The following ZNF141 variants were observed in gnomAD, a reference collection of about 807,000 sequenced individuals.
ZNF141 encodes the protein zinc finger protein 141, also known as zinc finger protein 141 (clone pHZ-44).
Under a neutral mutation model 11.3 loss-of-function variants are expected in ZNF141, and 7 were observed. That is an observed-to-expected ratio of 0.62 (90% CI 0.35 to 1.16). The LOEUF (loss-of-function observed/expected upper bound fraction) is 1.16. Ranked by LOEUF, ZNF141 falls within the 50% of genes most tolerant of loss-of-function variation. ZNF141 has a pLI of 0.02. For synonymous variants in ZNF141, 183 were observed against 190.7 expected, an observed-to-expected ratio of 0.96 and a Z score of 0.33; for missense variants, 535 against 554.0, an observed-to-expected ratio of 0.97 and a Z score of 0.34.
chr4:383,028 A>G lies in ZNF141; in HGVS notation c.*9166A>G, dbSNP rs1212314887. On this transcript the variant is annotated 3_prime_UTR_variant, in exon 4 of 4. Coordinates refer to ENST00000240499, the MANE Select transcript of ZNF141 (RefSeq NM_003441.4). ...CTTGAACTTCTCTTGACTTATCTGC[A>G]CTGGCACAGGGTGCCAGTTTGGGGC... 5.1e-6 allele frequency: 3 copies of G among 585,672 alleles called. No individual in the cohort carries two copies. Among genetic ancestry groups the G allele is most frequent in the Non-Finnish European group, 9.0e-6 (3 of 333,104 alleles). The allele number at this position is 585,672 out of a possible 1,614,324, so 36.3% of individuals were successfully genotyped here.
intron 3 of ZNF141, among the ~76,000 whole-genome samples, chr4:345,185 A>T (rs1721263170): frequency 6.6e-6 from 1 of 152,190 alleles, no homozygotes; most frequent in Non-Finnish European, 1.5e-5. Context: ...CCAAGGACAG[A>T]TGTTGCCTCT....
At chr4:344,537 T>A (rs535683170) in intron 3 of ZNF141, 107 bp downstream of exon 3, 1 of 890,552 alleles carries the variant, frequency 1.1e-6, no homozygotes, top group Non-Finnish European at 1.7e-6. Flanking sequence ...GGCTCATGCC[T>A]GTAATCCAAG....
At chr4:339,556 A>C (rs1195387414) in intron 1 of ZNF141, among the ~76,000 whole-genome samples, 1 of 152,226 alleles carries the variant, frequency 6.6e-6, no homozygotes, top group Non-Finnish European at 1.5e-5. Flanking sequence ...GACCAAATAC[A>C]AATCAGAAGA....
At position 377,515 on chromosome 4, in the gene ZNF141, A is replaced by G. The variant is rs183287772; in HGVS notation, c.*3653A>G. ...TTATCCCCAGCTATGTATGCCTCAG[A>G]GCCTTTCTTCATTTTTGCGTTATGG... On this transcript the variant is annotated 3_prime_UTR_variant, in exon 4 of 4. Coordinates refer to ENST00000240499, the MANE Select transcript of ZNF141 (RefSeq NM_003441.4). 1.6e-3 allele frequency among the ~76,000 whole-genome samples: 249 copies of G among 152,274 alleles called. 1 individual carries two copies. Among genetic ancestry groups the G allele is most frequent in the African/African-American group, 5.6e-3 (231 of 41,544 alleles).
At chr4:355,045 T>C (rs1402967180) in intron 3 of ZNF141, among the ~76,000 whole-genome samples, 1 of 152,092 alleles carries the variant, frequency 6.6e-6, no homozygotes, top group Non-Finnish European at 1.5e-5. Context: ...TTCTCCAGTT[T>C]AGTTAACATA....
rs1444408774 is a variant in ZNF141 at position 360,802 on chromosome 4, A to G, written c.227-11862A>G. On this transcript the variant is annotated intron_variant, in intron 3 of 3. Coordinates refer to ENST00000240499, the MANE Select transcript of ZNF141 (RefSeq NM_003441.4). ...TTGCCTGCAAAAATCACTTTGGGCA[A>G]ATTTTAAAAAATATATAAATGCGAA... Among the ~76,000 whole-genome samples the G allele has an allele frequency of 2.6e-5, 4 of 152,306 alleles. No individual in the cohort carries two copies. The East Asian group carries it at 7.7e-4, about 29-fold the overall frequency.
chr4:361,823 T>G (rs1553852221), intron 3 of ZNF141, among the ~76,000 whole-genome samples: 3 of 152,228 alleles, frequency 2.0e-5, no homozygotes. Flanking sequence ...TTGTGAATAG[T>G]GCCGCAGTAA....
Position 378,250 on chromosome 4 carries a change from A to G in ZNF141, c.*4388A>G, listed in dbSNP as rs1263885757. ...TTAATTTTCTGTGACATAGCAAAAC[A>G]TTTTTCCATACAAAATCTTCTATTT... is the stretch of plus-strand genomic sequence containing the variant. On this transcript the variant is annotated 3_prime_UTR_variant, in exon 4 of 4. Coordinates refer to ENST00000240499, the MANE Select transcript of ZNF141 (RefSeq NM_003441.4). 6.6e-6 allele frequency: 1 copy of G among 151,988 alleles called. No individual in the cohort carries two copies. Among genetic ancestry groups the G allele is most frequent in the African/African-American group, 2.4e-5 (1 of 41,374 alleles). 9.4% of individuals were successfully genotyped at this position (151,988 alleles called of 1,614,324 possible).
chr4:367,278 A>AT (rs1440257399), intron 3 of ZNF141, among the ~76,000 whole-genome samples: 4 of 152,226 alleles, frequency 2.6e-5, no homozygotes, highest in African/African-American at 9.6e-5. Flanking sequence ...GTCTATCTGT[A>AT]TGTGTATTGG....
intron 3 of ZNF141, among the ~76,000 whole-genome samples, chr4:353,782 A>T (rs1721719372): frequency 6.6e-6 from 1 of 152,106 alleles, no homozygotes; most frequent in Non-Finnish European, 1.5e-5. Context: ...CTTCTTTTGC[A>T]CACAAGTTGT....
chr4:356,466 C>G (rs1366212848), intron 3 of ZNF141, among the ~76,000 whole-genome samples: 2 of 151,726 alleles, frequency 1.3e-5, no homozygotes. Context: ...GCTTGGACTA[C>G]AGGCGCGTGC....
intron 3 of ZNF141, among the ~76,000 whole-genome samples, chr4:345,017 G>A (rs1335954504): frequency 1.3e-5 from 2 of 152,148 alleles, no homozygotes; most frequent in East Asian, 1.9e-4. Context: ...TGCATGATGT[G>A]ACTGCTGTTC....
intron 3 of ZNF141, among the ~76,000 whole-genome samples, chr4:366,269 T>C (rs532134783): frequency 2.6e-4 from 40 of 152,264 alleles, no homozygotes; most frequent in African/African-American, 9.4e-4. Flanking sequence ...AGGAAAAATA[T>C]CTTTCAATTT....
intron 1 of ZNF141, 45 bp downstream of exon 1, chr4:338,031 C>T (rs782299227): frequency 6.2e-7 from 1 of 1,611,328 alleles, no homozygotes; most frequent in Non-Finnish European, 8.5e-7. Context: ...GAGGTCTCAT[C>T]GGAGCTGGCG....
chr4:359,872 A>G (rs1274781939), intron 3 of ZNF141, among the ~76,000 whole-genome samples: 3 of 152,126 alleles, frequency 2.0e-5, no homozygotes, highest in Non-Finnish European at 4.4e-5. Flanking sequence ...CCACATCATG[A>G]CTGACATGTG....
intron 3 of ZNF141, among the ~76,000 whole-genome samples, chr4:365,181 A>G (rs1711681435): frequency 6.6e-6 from 1 of 152,154 alleles, no homozygotes; most frequent in Non-Finnish European, 1.5e-5. Context: ...TGCTAAGACC[A>G]TTGGAAAAAC....
At chr4:353,469 T>TTATTA (rs1560187257) in intron 3 of ZNF141, among the ~76,000 whole-genome samples, 1 of 137,280 alleles carries the variant, frequency 7.3e-6, no homozygotes, top group African/African-American at 3.2e-5. Flanking sequence ...TATTATTATT[T>TTATTA]TTTTTTTTTT....
At chr4:345,373 C>T (rs1322267338) in intron 3 of ZNF141, among the ~76,000 whole-genome samples, 1 of 152,100 alleles carries the variant, frequency 6.6e-6, no homozygotes, top group Non-Finnish European at 1.5e-5. Flanking sequence ...TCTATATGTG[C>T]AAATTTTGAA....
At chr4:358,129 A>T in intron 3 of ZNF141, 2 of 320,106 alleles carry the variant, frequency 6.2e-6, no homozygotes, top group East Asian at 1.3e-4. Flanking sequence ...TAAATTTTTT[A>T]GTTCTATTGT....
Sources: gnomAD v4.1 joint callset for allele counts (sites outside exome capture counted in the v4.1 genomes callset) on GRCh38, gnomAD v4.1.1 for gene constraint, MANE v1.5 for transcripts, NCBI Gene and HGNC (gene_info 2026-07-23, HGNC 2026-07-21) for gene names.